The following WFDC9 variants were observed in gnomAD, a reference collection of about 807,000 sequenced individuals.
The protein encoded by WFDC9 is protein WFDC9.
WFDC9 carries 9 observed loss-of-function variants against 9.5 expected under a neutral mutation model. The observed-to-expected ratio is 0.95, with a 90% CI of 0.57 to 1.65. The LOEUF is 1.65. Among genes scored for constraint, WFDC9 ranks in the 40% most tolerant of loss-of-function variants. The probability of loss-of-function intolerance (pLI) is 0.00; values close to 1 mark genes in which losing one functional copy is unlikely to be tolerated. For missense variants in WFDC9, 87 were observed against 106.7 expected (o/e 0.82, Z 0.81); for synonymous variants, 33 against 32.3 (o/e 1.02, Z -0.07).
chr20:45,631,256 A>G lies in WFDC9; in HGVS notation c.-206T>C. The G allele has an allele frequency of 2.8e-6, 1 of 357,864 alleles. No individual in the cohort carries two copies. Among genetic ancestry groups the G allele is most frequent in the Non-Finnish European group, 4.9e-6 (1 of 202,078 alleles). The allele number at this position is 357,864 out of a possible 1,614,324, so 22.2% of individuals were successfully genotyped here. A position where few individuals can be genotyped will look rare whatever the true frequency, so the allele number is the denominator to read the frequency against. ...TGAGAGCTCACTGTGGCCCCTACAG[A>G]TGCCCCACTTGTCTTGCGTCCTGGT... is the stretch of plus-strand genomic sequence containing the variant. On this transcript the variant is annotated 5_prime_UTR_variant, in exon 1 of 5. Coordinates refer to ENST00000326000, the MANE Select transcript of WFDC9 (RefSeq NM_147198.4).
chr20:45,630,823 G>A (rs570868107), intron 1 of WFDC9: 148 of 1,513,518 alleles, frequency 9.8e-5, no homozygotes, highest in Non-Finnish European at 1.2e-4. Context: ...TGAGAAAAAT[G>A]TTCTCTAGGA....
At chr20:45,619,268 A>G (rs139970484) in intron 1 of WFDC9, among the ~76,000 whole-genome samples, 1 of 152,140 alleles carries the variant, frequency 6.6e-6, no homozygotes, top group African/African-American at 2.4e-5. Flanking sequence ...ACAGTCACTA[A>G]TGAGTAGCCC....
chr20:45,628,550 G>T (rs1056343801), intron 1 of WFDC9, among the ~76,000 whole-genome samples: 1 of 152,160 alleles, frequency 6.6e-6, no homozygotes, highest in Non-Finnish European at 1.5e-5. Flanking sequence ...TCTCTAAATT[G>T]TTCATTTATG....
intron 1 of WFDC9, 77 bp from the exon 2 acceptor site, chr20:45,614,798 AT>A (rs1981938201): frequency 6.6e-6 from 1 of 152,182 alleles, no homozygotes; most frequent in Non-Finnish European, 1.5e-5. Context: ...CCGATTTTTA[AT>A]TTCTACCCAG....
chr20:45,616,704 A>C (rs1223020082), intron 1 of WFDC9, among the ~76,000 whole-genome samples: 3 of 152,216 alleles, frequency 2.0e-5, no homozygotes, highest in African/African-American at 7.2e-5. Context: ...TGTTGTTAGC[A>C]GGCATGAAAA....
At chr20:45,629,838 G>A in intron 1 of WFDC9, 3 of 1,614,040 alleles carry the variant, frequency 1.9e-6, no homozygotes, top group Non-Finnish European at 2.5e-6. Flanking sequence ...TCTGCTGCCT[G>A]TCCTGGTTCT....
intron 1 of WFDC9, 91 bp downstream of exon 1, chr20:45,631,112 C>A: frequency 7.2e-7 from 1 of 1,393,366 alleles, no homozygotes; most frequent in Non-Finnish European, 9.5e-7. Flanking sequence ...AAGTCACCAG[C>A]ATAAGAACAT....
intron 1 of WFDC9, among the ~76,000 whole-genome samples, chr20:45,620,067 G>A (rs541415370): frequency 1.3e-5 from 2 of 152,034 alleles, no homozygotes; most frequent in East Asian, 3.9e-4. Context: ...AAAAGAGGGA[G>A]GAAGGCAGGC....
chr20:45,619,761 A>C (rs1982053436), intron 1 of WFDC9, among the ~76,000 whole-genome samples: 1 of 152,242 alleles, frequency 6.6e-6, no homozygotes, highest in African/African-American at 2.4e-5. Context: ...GTGGTGGCTC[A>C]TGCCTGTAAT....
chr20:45,622,555 C>T (rs1019816186), intron 1 of WFDC9, among the ~76,000 whole-genome samples: 3 of 152,102 alleles, frequency 2.0e-5, no homozygotes, highest in Non-Finnish European at 4.4e-5. Context: ...CTTAAAGTAG[C>T]AGAAAAACTG....
intron 1 of WFDC9, 141 bp from the exon 2 acceptor site, chr20:45,614,862 A>G (rs1338154168): frequency 6.6e-6 from 1 of 152,204 alleles, no homozygotes; most frequent in Admixed American, 6.5e-5. Context: ...TCACCCATCC[A>G]GATGTACTCA....
At chr20:45,618,090 A>G (rs1001361655) in intron 1 of WFDC9, among the ~76,000 whole-genome samples, 2 of 152,210 alleles carry the variant, frequency 1.3e-5, no homozygotes, top group African/African-American at 2.4e-5. Flanking sequence ...CTTCTCCATC[A>G]GCACTTGCTA....
intron 1 of WFDC9, among the ~76,000 whole-genome samples, chr20:45,626,561 A>G (rs1982223429): frequency 6.6e-6 from 1 of 152,086 alleles, no homozygotes; most frequent in Non-Finnish European, 1.5e-5. Context: ...TATAAATGGG[A>G]TTGCCCTCTT....
At position 45,610,235 on chromosome 20, in the gene WFDC9, C is replaced by A; in HGVS notation, c.-54G>T. ...TTCTGGCAGAAGGCAAGTCTTTTCC[C>A]AATACTGCTAGACGTAGAAAATGGA... On this transcript the variant is annotated 5_prime_UTR_variant, in exon 3 of 5. Coordinates refer to ENST00000326000, the MANE Select transcript of WFDC9 (RefSeq NM_147198.4). The A allele has an allele frequency of 6.8e-7, 1 of 1,475,226 alleles. No individual in the cohort carries two copies. Among genetic ancestry groups the A allele is most frequent in the South Asian group, 1.2e-5 (1 of 86,138 alleles). 91.4% of individuals were successfully genotyped at this position (1,475,226 alleles called of 1,614,324 possible).
intron 3 of WFDC9, 60 bp from the exon 4 acceptor site, chr20:45,608,870 T>G: frequency 1.3e-6 from 2 of 1,517,594 alleles, no homozygotes; most frequent in South Asian, 1.3e-5. Context: ...AAACCTTTTC[T>G]AAGCTTAACA....
At chr20:45,625,743 C>G (rs894064346) in intron 1 of WFDC9, among the ~76,000 whole-genome samples, 17 of 143,472 alleles carry the variant, frequency 1.2e-4, no homozygotes, top group South Asian at 9.0e-4. Flanking sequence ...AGTGAATGTT[C>G]TTGGCATCTT....
chr20:45,630,899 T>G (rs762512080), intron 1 of WFDC9: 4 of 1,606,620 alleles, frequency 2.5e-6, no homozygotes, highest in South Asian at 2.2e-5. Flanking sequence ...AATCAAAGTC[T>G]GCCAGCAGCA....
intron 1 of WFDC9, among the ~76,000 whole-genome samples, chr20:45,625,939 C>A (rs910333143): frequency 6.6e-6 from 1 of 150,646 alleles, no homozygotes; most frequent in African/African-American, 2.4e-5. Flanking sequence ...GCCTCAGCCT[C>A]CAGAGTAGAG....
intron 1 of WFDC9, among the ~76,000 whole-genome samples, chr20:45,624,771 G>A (rs1982179547): frequency 6.6e-6 from 1 of 152,188 alleles, no homozygotes; most frequent in Non-Finnish European, 1.5e-5. Flanking sequence ...GATCCTGACT[G>A]GAGTGAGGTG....
Sources: gnomAD v4.1 joint callset for allele counts (sites outside exome capture counted in the v4.1 genomes callset) on GRCh38, gnomAD v4.1.1 for gene constraint, MANE v1.5 for transcripts, NCBI Gene and HGNC (gene_info 2026-07-23, HGNC 2026-07-21) for gene names.